ADAMTS3: variants seen among roughly 807,000 people sequenced by gnomAD.
ADAMTS3 encodes ADAM metallopeptidase with thrombospondin type 1 motif 3, also known as A disintegrin and metalloproteinase with thrombospondin motifs 3.
Under a neutral mutation model 129.0 loss-of-function variants are expected in ADAMTS3, and 73 were observed. That is an observed-to-expected ratio of 0.57 (90% CI 0.47 to 0.69). The LOEUF is 0.69. Among genes scored for constraint, ADAMTS3 ranks in the 30% least tolerant of loss-of-function variants. The pLI is 0.00. For synonymous variants in ADAMTS3, 477 were observed against 510.8 expected (o/e 0.93, Z 0.89); for missense variants, 1,457 against 1,514.5 (o/e 0.96, Z 0.63).
rs75511932 is a variant in ADAMTS3 at position 72,451,646 on chromosome 4, T to C, written c.505-36675A>G. Among the ~76,000 whole-genome samples, 585 of 151,918 alleles carry C rather than the reference T, an allele frequency of 3.9e-3. 14 individuals are homozygous for C. The East Asian group carries it at 0.046, about 12-fold the overall frequency. On this transcript the variant is annotated intron_variant, in intron 3 of 21. Transcript: ENST00000286657. ...GAAAAAAGTTTGTTACACTTACTGA[T>C]TCCAAACTTTCAAAGTAATGAAACC...
At chr4:72,471,390 T>G (rs910516425) in intron 3 of ADAMTS3, among the ~76,000 whole-genome samples, 1 of 152,110 alleles carries the variant, frequency 6.6e-6, no homozygotes, top group African/African-American at 2.4e-5. Flanking sequence ...GCAACATAGA[T>G]TTTAATATAA....
chr4:72,358,843 T>C (rs537843377), intron 4 of ADAMTS3, among the ~76,000 whole-genome samples: 22 of 152,082 alleles, frequency 1.4e-4, no homozygotes, highest in Non-Finnish European at 3.1e-4. Context: ...TCTTATAATA[T>C]AAACTCAGGG....
At chr4:72,393,390 C>T (rs7686887) in intron 4 of ADAMTS3, among the ~76,000 whole-genome samples, 148,359 of 152,314 alleles carry the variant, frequency 0.97, 72,397 homozygotes, top group South Asian at 1. Flanking sequence ...CTCAGACTAA[C>T]ACATTTCCTC....
At position 72,282,928 on chromosome 4, in the gene ADAMTS3, T is replaced by A; in HGVS notation, c.*208A>T. ...TTTGTAATAATCTTTGGTGATTTCT[T>A]CCAATGAATTCTGGTAAATGAGTCA... On this transcript the variant is annotated 3_prime_UTR_variant, in exon 22 of 22. Coordinates refer to ENST00000286657, the MANE Select transcript of ADAMTS3 (RefSeq NM_014243.3). 1 of 441,922 alleles carries A rather than the reference T, an allele frequency of 2.3e-6. No homozygotes were observed. The highest frequency in any genetic ancestry group is 5.5e-5 in the South Asian group (1 of 18,194). 27.4% of individuals were successfully genotyped at this position (441,922 alleles called of 1,614,324 possible).
chr4:72,322,979 C>T, intron 6 of ADAMTS3, 35 bp downstream of exon 6: 1 of 1,526,568 alleles, frequency 6.6e-7, no homozygotes, highest in Non-Finnish European at 9.1e-7. Context: ...AACCCAGTCC[C>T]TAATGTTTAT....
chr4:72,305,315 A>G (rs1209444190), intron 16 of ADAMTS3, among the ~76,000 whole-genome samples: 4 of 152,122 alleles, frequency 2.6e-5, no homozygotes, highest in African/African-American at 7.2e-5. Flanking sequence ...CACATGTCAG[A>G]TATTAGAATA....
intron 3 of ADAMTS3, among the ~76,000 whole-genome samples, chr4:72,521,190 G>A (rs1288102662): frequency 6.6e-6 from 1 of 151,942 alleles, no homozygotes. Context: ...TAGAGACAGG[G>A]TTTCACCATG....
chr4:72,365,263 C>T (rs1720841232), intron 4 of ADAMTS3, among the ~76,000 whole-genome samples: 1 of 152,166 alleles, frequency 6.6e-6, no homozygotes, highest in Non-Finnish European at 1.5e-5. Context: ...CAGACATTTC[C>T]AGCATGGATG....
chr4:72,394,995 A>T (rs886466370), intron 4 of ADAMTS3, among the ~76,000 whole-genome samples: 5 of 150,766 alleles, frequency 3.3e-5, no homozygotes, highest in Non-Finnish European at 5.9e-5. Flanking sequence ...CACGATCTCG[A>T]CTCACTGCAA....
In ADAMTS3 at chr4:72,285,819, G is replaced by GA. The variant is rs528005227; in HGVS notation, c.3050-2116dup. Among the ~76,000 whole-genome samples the GA allele has an allele frequency of 2.0e-4, 30 of 146,830 alleles. No homozygotes were observed. The East Asian group carries it at 3.4e-3, about 17-fold the overall frequency. ...AATCAATCAAAATATGGAGTCACAT[G>GA]AAAAAAATCAATCAATTACAAAAAA... On this transcript the variant is annotated intron_variant, in intron 21 of 21. Coordinates refer to ENST00000286657, the MANE Select transcript of ADAMTS3 (RefSeq NM_014243.3).
intron 2 of ADAMTS3, among the ~76,000 whole-genome samples, chr4:72,556,269 T>A (rs1326489654): frequency 6.6e-6 from 1 of 151,676 alleles, no homozygotes; most frequent in East Asian, 1.9e-4. Context: ...TGCTCTAGGA[T>A]CATCTTAACT....
At chr4:72,370,196 T>C (rs1720968679) in intron 4 of ADAMTS3, among the ~76,000 whole-genome samples, 1 of 152,264 alleles carries the variant, frequency 6.6e-6, no homozygotes, top group South Asian at 2.1e-4. Flanking sequence ...GGTCCCAGCC[T>C]GCGCCGAAGA....
At chr4:72,308,937 T>G (rs1174284101) in intron 15 of ADAMTS3, among the ~76,000 whole-genome samples, 1 of 152,018 alleles carries the variant, frequency 6.6e-6, no homozygotes, top group East Asian at 1.9e-4. Flanking sequence ...CCTAGATTTA[T>G]AAACAGGATA....
intron 3 of ADAMTS3, among the ~76,000 whole-genome samples, chr4:72,482,930 A>G (rs145341940): frequency 1.1e-3 from 161 of 152,290 alleles, no homozygotes; most frequent in Non-Finnish European, 1.8e-3. Flanking sequence ...AGATGCTAGA[A>G]AGGCATTTAA....
At chr4:72,450,903 G>A (rs1388835879) in intron 3 of ADAMTS3, among the ~76,000 whole-genome samples, 1 of 147,130 alleles carries the variant, frequency 6.8e-6, no homozygotes, top group Non-Finnish European at 1.5e-5. Context: ...ATAGAAAGAG[G>A]AGGAGGAGGA....
intron 4 of ADAMTS3, among the ~76,000 whole-genome samples, chr4:72,395,897 T>C (rs1721713697): frequency 6.6e-6 from 1 of 151,984 alleles, no homozygotes; most frequent in Non-Finnish European, 1.5e-5. Flanking sequence ...TATCTCAAAA[T>C]GGAATAGAGG....
In ADAMTS3 at chr4:72,298,394, T is replaced by C. The variant is rs1313808671; in HGVS notation, c.2473A>G (p.Ile825Val). 1.9e-6 allele frequency: 3 copies of C among 1,612,458 alleles called. No individual in the cohort carries two copies. Among genetic ancestry groups the C allele is most frequent in the African/African-American group, 1.3e-5 (1 of 74,866 alleles). Reference sequence around the variant, plus strand: ...GTAGGTACAGAGTCTTCATGGATGATGTACTTATATGTCAGGCTAGAGCGG... The same window carrying C: ...GTAGGTACAGAGTCTTCATGGATGACGTACTTATATGTCAGGCTAGAGCGG... ...DTRSSLTYKY[I>V]IHEDSVPTIN... The change falls in exon 18 of 22, where the codon ATC becomes GTC. Residue 825 changes from isoleucine (I) to valine (V), a missense_variant. By Grantham distance (29) the Ile-to-Val change is conservative. Transcript: ENST00000286657.
chr4:72,452,420 C>G (rs546760251), intron 3 of ADAMTS3, among the ~76,000 whole-genome samples: 1 of 151,326 alleles, frequency 6.6e-6, no homozygotes, highest in South Asian at 2.1e-4. Context: ...CAAAACTGGC[C>G]CAATTACCTC....
chr4:72,533,911 A>G (rs141095162), intron 3 of ADAMTS3, among the ~76,000 whole-genome samples: 79 of 152,302 alleles, frequency 5.2e-4, no homozygotes, highest in African/African-American at 1.8e-3. Flanking sequence ...TATACATGCA[A>G]TTTCTTTTGC....
Sources: gnomAD v4.1 joint callset for allele counts (sites outside exome capture counted in the v4.1 genomes callset) on GRCh38, gnomAD v4.1.1 for gene constraint, MANE v1.5 for transcripts, NCBI Gene and HGNC (gene_info 2026-07-23, HGNC 2026-07-21) for gene names.